Variants in GYPB observed in about 807,000 individuals in gnomAD.
GYPB encodes the protein glycophorin B (MNS blood group).
A neutral mutation model predicts 15.3 loss-of-function variants in GYPB; 13 were observed. The ratio of observed to expected loss-of-function variants is 0.85; its 90% CI spans 0.55 to 1.35. The LOEUF is 1.35. Ranked by LOEUF, GYPB falls within the 40% of genes most tolerant of loss-of-function variation. GYPB has a pLI of 0.00. For synonymous variants in GYPB, 38 were observed against 36.9 expected, an observed-to-expected ratio of 1.03 and a Z score of -0.11; for missense variants, 131 against 108.3, an observed-to-expected ratio of 1.21 and a Z score of -0.93.
intron 1 of GYPB, chr4:144,012,554 A>G (rs1728270060): frequency 6.6e-6 from 1 of 151,494 alleles, no homozygotes; most frequent in Non-Finnish European, 1.5e-5. Context: ...GGTGAATCAT[A>G]CTTCATGAAT....
At chr4:144,006,684 G>A (rs146383280) in intron 1 of GYPB, among the ~76,000 whole-genome samples, 1,678 of 151,730 alleles carry the variant, frequency 0.011, 109 homozygotes, top group African/African-American at 0.039. Context: ...TCTTGCATAA[G>A]CAAACTCTTA....
intron 3 of GYPB, 138 bp downstream of exon 3, chr4:143,999,273 C>G: frequency 1.7e-6 from 1 of 592,360 alleles, no homozygotes; most frequent in East Asian, 3.4e-5. Flanking sequence ...TTTTCTTTGT[C>G]TTTACAATTT....
In GYPB at chr4:144,009,087, C is replaced by T. The variant is rs1011765656; in HGVS notation, c.38-7804G>A. On this transcript the variant is annotated intron_variant, in intron 1 of 4. Coordinates refer to ENST00000502664, the MANE Select transcript of GYPB (RefSeq NM_002100.6). ...GTTTCTTAGGGTTTTGTTTCCCTCACTTCCAGTCTCCCTCACTTCCTCCCT... is the reference window on the plus strand; with the variant it reads ...GTTTCTTAGGGTTTTGTTTCCCTCATTTCCAGTCTCCCTCACTTCCTCCCT... Among the ~76,000 whole-genome samples, 10 of 151,396 alleles carry T rather than the reference C, an allele frequency of 6.6e-5. 1 individual carries two copies. Among genetic ancestry groups the T allele is most frequent in the African/African-American group, 2.2e-4 (9 of 40,686 alleles).
chr4:144,007,575 G>A (rs906563664), intron 1 of GYPB, among the ~76,000 whole-genome samples: 2 of 151,610 alleles, frequency 1.3e-5, no homozygotes, highest in African/African-American at 4.9e-5. Context: ...AAAAAAATCG[G>A]TCAGTCTGTC....
intron 1 of GYPB, among the ~76,000 whole-genome samples, chr4:144,017,494 A>T (rs911028249): frequency 1.3e-5 from 2 of 151,256 alleles, no homozygotes; most frequent in Non-Finnish European, 2.9e-5. Flanking sequence ...TGCTACGAAG[A>T]TGATAACAGC....
At chr4:143,996,433 G>A in intron 4 of GYPB, 129 bp from the exon 5 acceptor site, 3 of 1,490,768 alleles carry the variant, frequency 2.0e-6, no homozygotes, top group Non-Finnish European at 2.7e-6. Context: ...CTTCTAAAGG[G>A]TACCTAGGGG....
intron 1 of GYPB, chr4:144,008,547 T>G: frequency 2.2e-6 from 1 of 454,258 alleles, no homozygotes; most frequent in Non-Finnish European, 4.4e-6. Context: ...CATATTCCAA[T>G]CTGGTCACTC....
intron 1 of GYPB, chr4:144,012,824 C>T (rs1411530593): frequency 6.6e-6 from 1 of 151,234 alleles, no homozygotes; most frequent in African/African-American, 2.5e-5. Flanking sequence ...AACCAAAGAT[C>T]TAAATATAAG....
chr4:144,001,480 C>A (rs1415338985), intron 1 of GYPB, among the ~76,000 whole-genome samples, 197 bp from the exon 2 acceptor site: 2 of 151,354 alleles, frequency 1.3e-5, no homozygotes, highest in Non-Finnish European at 2.9e-5. Context: ...AATTAAGGGG[C>A]CAGAAGCCCC....
At chr4:144,017,620 A>T (rs76082523) in intron 1 of GYPB, among the ~76,000 whole-genome samples, 3,853 of 151,238 alleles carry the variant, frequency 0.025, 78 homozygotes, top group South Asian at 0.046. Flanking sequence ...GAAATTTAAA[A>T]AAAAAATCAT....
intron 1 of GYPB, among the ~76,000 whole-genome samples, chr4:144,012,280 C>T (rs1728254160): frequency 6.6e-6 from 1 of 151,490 alleles, no homozygotes; most frequent in African/African-American, 2.5e-5. Flanking sequence ...ACATATTCTC[C>T]AAGTGCACAG....
chr4:144,002,985 G>A (rs969435313), intron 1 of GYPB, among the ~76,000 whole-genome samples: 2 of 151,208 alleles, frequency 1.3e-5, no homozygotes, highest in Admixed American at 1.3e-4. Context: ...ATTACTGAAT[G>A]TTTCTAAGTT....
At chr4:143,999,711 G>A (rs1579048057) in intron 2 of GYPB, among the ~76,000 whole-genome samples, 1 of 151,360 alleles carries the variant, frequency 6.6e-6, no homozygotes, top group Non-Finnish European at 1.5e-5. Context: ...TGAGGGGAAA[G>A]GAATGAGAAA....
intron 1 of GYPB, among the ~76,000 whole-genome samples, chr4:144,010,703 A>G (rs138352224): frequency 6.6e-6 from 1 of 151,300 alleles, no homozygotes; most frequent in Non-Finnish European, 1.5e-5. Flanking sequence ...AGCGTATGAC[A>G]TACCTGAAAT....
intron 4 of GYPB, 164 bp downstream of exon 4, chr4:143,997,376 A>AAG (rs1727378337): frequency 1.7e-5 from 9 of 524,136 alleles, no homozygotes; most frequent in Middle Eastern, 5.3e-4. Flanking sequence ...TGCAAAAAAA[A>AAG]AATTCTGCTA....
At chr4:144,017,846 A>G (rs899881837) in intron 1 of GYPB, among the ~76,000 whole-genome samples, 1 of 151,352 alleles carries the variant, frequency 6.6e-6, no homozygotes, top group African/African-American at 2.5e-5. Flanking sequence ...ATTACACTAC[A>G]TCCCTTTCAT....
At position 144,001,436 on chromosome 4, in the gene GYPB, C is replaced by T. The variant is rs968549434; in HGVS notation, c.38-153G>A. On this transcript the variant is annotated intron_variant, in intron 1 of 4. Transcript: ENST00000502664. ...TTACATAATCTTTAGAGAATTGCTGCGTGGTAAGTATTGTATTATTGGCCT... is the reference window on the plus strand; with the variant it reads ...TTACATAATCTTTAGAGAATTGCTGTGTGGTAAGTATTGTATTATTGGCCT... 1.3e-4 allele frequency among the ~76,000 whole-genome samples: 20 copies of T among 151,388 alleles called. 2 individuals are homozygous for T. Among genetic ancestry groups the T allele is most frequent in the African/African-American group, 2.2e-4 (9 of 40,692 alleles).
At chr4:144,006,784 A>G (rs578016296) in intron 1 of GYPB, among the ~76,000 whole-genome samples, 1 of 151,862 alleles carries the variant, frequency 6.6e-6, no homozygotes, top group African/African-American at 2.4e-5. Context: ...TGACATTGCA[A>G]TGACCATGAA....
At chr4:144,008,349 G>A in intron 1 of GYPB, 1 of 453,180 alleles carries the variant, frequency 2.2e-6, no homozygotes, top group Non-Finnish European at 4.4e-6. Flanking sequence ...CTTCACTTCA[G>A]CAAATCAGGG....
Sources: gnomAD v4.1 joint callset for allele counts (sites outside exome capture counted in the v4.1 genomes callset) on GRCh38, gnomAD v4.1.1 for gene constraint, MANE v1.5 for transcripts, NCBI Gene and HGNC (gene_info 2026-07-23, HGNC 2026-07-21) for gene names.